NLGN4Y: variants seen among roughly 807,000 people sequenced by gnomAD.
The protein encoded by NLGN4Y is neuroligin 4 Y-linked.
In NLGN4Y, 4 loss-of-function variants were observed where a neutral mutation model predicts 8.4. The observed-to-expected ratio is 0.48, with a 90% CI of 0.23 to 1.09. The LOEUF (loss-of-function observed/expected upper bound fraction) is 1.09. Among genes scored for constraint, NLGN4Y ranks in the 50% least tolerant of loss-of-function variants. The pLI, the probability that NLGN4Y is intolerant of heterozygous loss-of-function variation, is 0.19. For missense variants in NLGN4Y, 90 were observed against 192.3 expected, an observed-to-expected ratio of 0.47 and a Z score of 3.15; for synonymous variants, 35 against 75.6, an observed-to-expected ratio of 0.46 and a Z score of 2.78.
intron 4 of NLGN4Y, among the ~76,000 whole-genome samples, chrY:14,816,151 A>G (rs2043101123): frequency 3.0e-5 from 1 of 33,771 alleles, no homozygotes; most frequent in Non-Finnish European, 7.4e-5. Flanking sequence ...TTCAGGTATG[A>G]GTACCTTTCC....
At chrY:14,669,810 G>T in intron 2 of NLGN4Y, among the ~76,000 whole-genome samples, 2 of 34,007 alleles carry the variant, frequency 5.9e-5, no homozygotes, top group African/African-American at 2.3e-4. Flanking sequence ...CCAGAGCAGT[G>T]CCATGCCTGT....
At chrY:14,591,802 G>A in intron 1 of NLGN4Y, among the ~76,000 whole-genome samples, 1 of 33,587 alleles carries the variant, frequency 3.0e-5, no homozygotes, top group Non-Finnish European at 7.4e-5. Flanking sequence ...TTGTGTAATA[G>A]GTGAGGTTGG....
intron 5 of NLGN4Y, among the ~76,000 whole-genome samples, chrY:14,828,840 G>C: frequency 3.0e-5 from 1 of 33,131 alleles, no homozygotes; most frequent in Non-Finnish European, 7.4e-5. Context: ...TGATTTTTAC[G>C]GCCTGCCGTC....
chrY:14,800,133 A>C, intron 4 of NLGN4Y, among the ~76,000 whole-genome samples: 1 of 33,084 alleles, frequency 3.0e-5, no homozygotes, highest in African/African-American at 1.2e-4. Context: ...AAGTAATGGG[A>C]CACTTACTGC....
intron 2 of NLGN4Y, among the ~76,000 whole-genome samples, chrY:14,690,276 G>GA (rs2080805253): frequency 6.3e-5 from 2 of 31,896 alleles, no homozygotes; most frequent in South Asian, 7.0e-4. Flanking sequence ...CAGTAAATTG[G>GA]AAAAAAAATA....
intron 2 of NLGN4Y, among the ~76,000 whole-genome samples, chrY:14,641,594 G>A (rs2080591226): frequency 3.0e-5 from 1 of 33,753 alleles, no homozygotes. Flanking sequence ...GCAAGTTTGT[G>A]GTAATTAGTT....
chrY:14,606,083 G>T, intron 1 of NLGN4Y, among the ~76,000 whole-genome samples: 1 of 33,427 alleles, frequency 3.0e-5, no homozygotes, highest in Non-Finnish European at 7.4e-5. Context: ...GTCTTCTCTA[G>T]AAATGAAAGA....
chrY:14,671,567 C>G (rs2080710752), intron 2 of NLGN4Y, among the ~76,000 whole-genome samples: 1 of 29,609 alleles, frequency 3.4e-5, no homozygotes, highest in Non-Finnish European at 7.9e-5. Context: ...AAGAAAAACG[C>G]TGGGCATGGT....
intron 1 of NLGN4Y, among the ~76,000 whole-genome samples, chrY:14,539,578 C>T (rs2080143127): frequency 3.6e-5 from 1 of 28,131 alleles, no homozygotes; most frequent in Non-Finnish European, 8.4e-5. Context: ...TTGCTCCACA[C>T]CCCTCCCTCC....
intron 1 of NLGN4Y, among the ~76,000 whole-genome samples, chrY:14,611,541 CTGTT>C (rs2080469095): frequency 1.3e-3 from 34 of 26,918 alleles, no homozygotes; most frequent in Non-Finnish European, 2.4e-3. Context: ...ATGTGAAATT[CTGTT>C]TGTTTGTTTG....
At chrY:14,601,959 C>G in intron 1 of NLGN4Y, among the ~76,000 whole-genome samples, 1 of 32,318 alleles carries the variant, frequency 3.1e-5, no homozygotes, top group Non-Finnish European at 7.6e-5. Context: ...GGTACAAGCC[C>G]TTGTTTTGCA....
chrY:14,771,642 C>T (rs2081108472), intron 4 of NLGN4Y, among the ~76,000 whole-genome samples: 1 of 32,893 alleles, frequency 3.0e-5, no homozygotes, highest in African/African-American at 1.2e-4. Context: ...ACAGCATGAA[C>T]TAGCAAAATA....
At chrY:14,529,056 ATC>A in intron 1 of NLGN4Y, among the ~76,000 whole-genome samples, 1 of 32,496 alleles carries the variant, frequency 3.1e-5, no homozygotes, top group East Asian at 8.2e-4. Flanking sequence ...GAAAACCTGG[ATC>A]TCAAAGCCAT....
At chrY:14,676,896 A>G (rs2080751138) in intron 2 of NLGN4Y, among the ~76,000 whole-genome samples, 1 of 33,542 alleles carries the variant, frequency 3.0e-5, no homozygotes, top group African/African-American at 1.2e-4. Context: ...GTAAATAGAT[A>G]TCTGCCTCTC....
At chrY:14,809,174 T>G in intron 4 of NLGN4Y, among the ~76,000 whole-genome samples, 1 of 34,418 alleles carries the variant, frequency 2.9e-5, no homozygotes, top group African/African-American at 1.1e-4. Context: ...CCTTCCACAT[T>G]TTATTTTTTA....
chrY:14,591,259 T>TA (rs2080370469), intron 1 of NLGN4Y, among the ~76,000 whole-genome samples: 2 of 32,397 alleles, frequency 6.2e-5, no homozygotes, highest in Non-Finnish European at 1.5e-4. Context: ...TTATGTATGT[T>TA]AAAAAAGGTG....
At chrY:14,738,656 C>T (rs2150561773) in intron 4 of NLGN4Y, among the ~76,000 whole-genome samples, 1 of 32,117 alleles carries the variant, frequency 3.1e-5, no homozygotes, top group South Asian at 7.1e-4. Flanking sequence ...AACTCATATC[C>T]GCAGGGCTAT....
chrY:14,558,628 TAC>T (rs2080217418), intron 1 of NLGN4Y, among the ~76,000 whole-genome samples: 1 of 33,007 alleles, frequency 3.0e-5, no homozygotes, highest in Non-Finnish European at 7.5e-5. Context: ...TATGTTGATA[TAC>T]ACACACACAT....
intron 2 of NLGN4Y, among the ~76,000 whole-genome samples, chrY:14,716,832 C>G: frequency 8.8e-5 from 3 of 34,031 alleles, no homozygotes; most frequent in Non-Finnish European, 1.5e-4. Flanking sequence ...AAACAAAACA[C>G]TATTCAGTAA....
Sources: gnomAD v4.1 joint callset for allele counts (sites outside exome capture counted in the v4.1 genomes callset) on GRCh38, gnomAD v4.1.1 for gene constraint, MANE v1.5 for transcripts, NCBI Gene and HGNC (gene_info 2026-07-23, HGNC 2026-07-21) for gene names.